SFMBT1: variants seen among roughly 807,000 people sequenced by gnomAD.
SFMBT1 encodes scm-like with four MBT domains protein 1.
Under a neutral mutation model 108.7 loss-of-function variants are expected in SFMBT1, and 32 were observed. The ratio of observed to expected loss-of-function variants is 0.29; its 90% CI spans 0.22 to 0.40. The LOEUF (loss-of-function observed/expected upper bound fraction) is 0.40, where lower values mean the gene tolerates loss of function less well. Among genes scored for constraint, SFMBT1 ranks in the 10% least tolerant of loss-of-function variants. The pLI, the probability that SFMBT1 is intolerant of heterozygous loss-of-function variation, is 1.00. For synonymous variants in SFMBT1, 348 were observed against 369.5 expected (o/e 0.94, Z 0.67); for missense variants, 816 against 1,059.6 (o/e 0.77, Z 3.19).
intron 1 of SFMBT1, among the ~76,000 whole-genome samples, chr3:52,988,354 G>C (rs893198727): frequency 1.3e-5 from 2 of 152,052 alleles, no homozygotes; most frequent in Non-Finnish European, 2.9e-5. Context: ...TAAATATTGA[G>C]AACTTTTGGA....
chr3:52,972,577 T>C (rs1353868749), intron 1 of SFMBT1, among the ~76,000 whole-genome samples: 1 of 152,154 alleles, frequency 6.6e-6, no homozygotes, highest in East Asian at 1.9e-4. Flanking sequence ...TATTTTGGTA[T>C]TATCACCCTC....
At position 52,954,056 on chromosome 3, in the gene SFMBT1, C is replaced by T. The variant is rs371542171; in HGVS notation, c.123+261G>A. Among the ~76,000 whole-genome samples, 960 of 151,920 alleles carry T rather than the reference C, an allele frequency of 6.3e-3. 81 individuals carry two copies. In the South Asian group the frequency reaches 0.17, roughly 27 times the overall value. On this transcript the variant is annotated intron_variant, in intron 3 of 20. Transcript: ENST00000394752. ...AGGAGAATGGCGTGAACCCGGGAGG[C>T]GGAGCTTGCAGTGAGCCAAGATCGT...
intron 3 of SFMBT1, among the ~76,000 whole-genome samples, 177 bp from the exon 4 acceptor site, chr3:52,943,770 G>C (rs1257098109): frequency 6.6e-6 from 1 of 152,140 alleles, no homozygotes; most frequent in Admixed American, 6.5e-5. Context: ...CAAACGAATA[G>C]CAATGCTGCT....
At chr3:52,992,876 C>A (rs1262714406) in intron 1 of SFMBT1, among the ~76,000 whole-genome samples, 2 of 152,198 alleles carry the variant, frequency 1.3e-5, no homozygotes, top group Non-Finnish European at 2.9e-5. Flanking sequence ...CTGGGCCCCA[C>A]CTTCATCTTT....
rs138628433 is a variant in SFMBT1 at position 52,940,120 on chromosome 3, T to C, written c.364+3233A>G. Among the ~76,000 whole-genome samples the C allele has an allele frequency of 2.0e-3, 311 of 152,358 alleles. 1 individual carries two copies. Among genetic ancestry groups the C allele is most frequent in the Non-Finnish European group, 1.9e-3 (128 of 68,038 alleles). ...TTCTGTTGTTCACATTTAAACGAGA[T>C]GCATTTTCCTACATACGTTAGGATG... On this transcript the variant is annotated intron_variant, in intron 4 of 20. Transcript: ENST00000394752.
At chr3:53,013,615 CTTTTTTTTTTTTTTT>C (rs397989629) in intron 1 of SFMBT1, among the ~76,000 whole-genome samples, 8 of 58,082 alleles carry the variant, frequency 1.4e-4, no homozygotes, top group African/African-American at 5.1e-4. Context: ...TATAAAGAAT[CTTTTTTTTTTTTTTT>C]TTTTTTTTTT....
intron 1 of SFMBT1, among the ~76,000 whole-genome samples, chr3:53,012,626 T>C (rs962500674): frequency 1.2e-4 from 18 of 151,040 alleles, no homozygotes; most frequent in African/African-American, 4.2e-4. Context: ...ATGGTCTCGA[T>C]CTCCTGACCT....
intron 1 of SFMBT1, among the ~76,000 whole-genome samples, chr3:52,971,298 G>A (rs1207821937): frequency 2.6e-5 from 4 of 152,112 alleles, no homozygotes; most frequent in Admixed American, 1.3e-4. Flanking sequence ...ATTTCATAAT[G>A]AGCGTAGAAA....
chr3:53,029,184 A>AG (rs1183547058), intron 1 of SFMBT1, among the ~76,000 whole-genome samples: 7 of 151,810 alleles, frequency 4.6e-5, no homozygotes, highest in Non-Finnish European at 8.8e-5. Context: ...AAAAAAAAAA[A>AG]AAAAAAAAAA....
In SFMBT1 at chr3:53,009,219, G is replaced by A. The variant is rs1295575519; in HGVS notation, c.-131+36597C>T. Among the ~76,000 whole-genome samples, 3 of 151,858 alleles carry A rather than the reference G, an allele frequency of 2.0e-5. No homozygotes were observed. In the East Asian group the frequency reaches 5.9e-4, roughly 30 times the overall value. On this transcript the variant is annotated intron_variant, in intron 1 of 20. Coordinates refer to ENST00000394752, the MANE Select transcript of SFMBT1 (RefSeq NM_016329.4). ...CCCGGCACTTTGGGAGGCTGAGGTGGGCAGATCACTTAAGGTCGGGAGTTC... is the reference window on the plus strand; with the variant it reads ...CCCGGCACTTTGGGAGGCTGAGGTGAGCAGATCACTTAAGGTCGGGAGTTC...
rs1239565160 is a variant in SFMBT1, at chr3:52,997,068, C to CA, written c.-130-27811dup. ...TGGGCGACTGAGCGAGACTCAGTCT[C>CA]AAAAAAAAACAAAAACAAAAACAAA... is the stretch of plus-strand genomic sequence containing the variant. On this transcript the variant is annotated intron_variant, in intron 1 of 20. Coordinates refer to ENST00000394752, the MANE Select transcript of SFMBT1 (RefSeq NM_016329.4). 2.1e-4 allele frequency among the ~76,000 whole-genome samples: 28 copies of CA among 130,426 alleles called. 1 individual carries two copies. The highest frequency in any genetic ancestry group is 9.0e-4 in the East Asian group (4 of 4,460). 85.6% of individuals were successfully genotyped at this position (130,426 alleles called of 152,430 possible). A position where few individuals can be genotyped will look rare whatever the true frequency, so the allele number is the denominator to read the frequency against.
At chr3:53,032,302 G>A (rs200247663) in intron 1 of SFMBT1, among the ~76,000 whole-genome samples, 2 of 152,270 alleles carry the variant, frequency 1.3e-5, no homozygotes, top group East Asian at 3.9e-4. Flanking sequence ...CCCAGGAGGC[G>A]GAGGCTGCAG....
chr3:52,943,250 G>A (rs1703244381), intron 4 of SFMBT1, 103 bp downstream of exon 4: 1 of 1,402,232 alleles, frequency 7.1e-7, no homozygotes, highest in East Asian at 2.3e-5. Flanking sequence ...GAAAAGCTGG[G>A]TAAACCTATA....
intron 1 of SFMBT1, among the ~76,000 whole-genome samples, chr3:53,040,967 AATTTTTT>A (rs1700025738): frequency 6.9e-5 from 5 of 72,832 alleles, no homozygotes; most frequent in African/African-American, 9.7e-5. Flanking sequence ...AAGACACCTG[AATTTTTT>A]TTTTTTTTTT....
intron 1 of SFMBT1, among the ~76,000 whole-genome samples, chr3:52,991,843 C>A (rs2564937): frequency 6.6e-6 from 1 of 151,886 alleles, no homozygotes; most frequent in African/African-American, 2.4e-5. Flanking sequence ...TCTGCCAGCA[C>A]CTTGATTTTG....
intron 1 of SFMBT1, among the ~76,000 whole-genome samples, chr3:52,993,963 A>G (rs2106900620): frequency 6.7e-6 from 1 of 150,352 alleles, no homozygotes; most frequent in Admixed American, 6.7e-5. Context: ...TGGCTCTTAT[A>G]AAGTAGTAAT....
chr3:53,022,874 A>G (rs1470574464), intron 1 of SFMBT1, among the ~76,000 whole-genome samples: 2 of 152,238 alleles, frequency 1.3e-5, no homozygotes, highest in Non-Finnish European at 2.9e-5. Context: ...ACATAGTCAT[A>G]CCACTGAACT....
chr3:52,997,344 T>C (rs922327344), intron 1 of SFMBT1, among the ~76,000 whole-genome samples: 1 of 149,848 alleles, frequency 6.7e-6, no homozygotes, highest in African/African-American at 2.4e-5. Flanking sequence ...GGTACCATCC[T>C]GGCTAACACT....
At chr3:52,945,576 G>A (rs1175992898) in intron 3 of SFMBT1, among the ~76,000 whole-genome samples, 1 of 152,042 alleles carries the variant, frequency 6.6e-6, no homozygotes, top group East Asian at 1.9e-4. Flanking sequence ...GGGAGGCCGA[G>A]GCAGGTGGAT....
Sources: gnomAD v4.1 joint callset for allele counts (sites outside exome capture counted in the v4.1 genomes callset) on GRCh38, gnomAD v4.1.1 for gene constraint, MANE v1.5 for transcripts, NCBI Gene and HGNC (gene_info 2026-07-23, HGNC 2026-07-21) for gene names.